Variants in CCNJL observed in about 807,000 individuals in gnomAD.
CCNJL encodes the protein cyclin J like, also known as cyclin-J-like protein.
In CCNJL, 33 loss-of-function variants were observed where a neutral mutation model predicts 33.4. The observed-to-expected ratio is 0.99, with a 90% CI of 0.75 to 1.32. CCNJL has a LOEUF of 1.32. Ranked by LOEUF, CCNJL falls within the 40% of genes most tolerant of loss-of-function variation. The pLI is 0.00. For missense variants in CCNJL, 512 were observed against 499.7 expected, an observed-to-expected ratio of 1.02 and a Z score of -0.23; for synonymous variants, 227 against 220.9, an observed-to-expected ratio of 1.03 and a Z score of -0.24.
At chr5:160,332,518 C>A (rs1303875048) in intron 1 of CCNJL, among the ~76,000 whole-genome samples, 1 of 152,188 alleles carries the variant, frequency 6.6e-6, no homozygotes, top group African/African-American at 2.4e-5. Flanking sequence ...CTGCCTACAC[C>A]TTTGTTAACC....
intron 1 of CCNJL, among the ~76,000 whole-genome samples, chr5:160,336,753 T>C (rs1385900289): frequency 4.6e-5 from 7 of 152,214 alleles, no homozygotes; most frequent in Non-Finnish European, 1.0e-4. Context: ...TTTCCCATCC[T>C]GGTGAAGGGC....
intron 5 of CCNJL, chr5:160,254,724 G>C (rs1351150722): frequency 3.4e-5 from 6 of 177,696 alleles, no homozygotes; most frequent in Non-Finnish European, 5.8e-5. Context: ...AGTAACTATG[G>C]GGCACATTTA....
intron 2 of CCNJL, among the ~76,000 whole-genome samples, chr5:160,282,991 A>G (rs1187793234): frequency 0.01 from 622 of 59,972 alleles, 32 homozygotes; most frequent in African/African-American, 0.042. Context: ...ATATATATAT[A>G]TATATATATA....
chr5:160,288,475 C>T (rs952921914), intron 2 of CCNJL, among the ~76,000 whole-genome samples: 10 of 152,168 alleles, frequency 6.6e-5, no homozygotes, highest in South Asian at 2.1e-4. Context: ...ACTTCATCTT[C>T]CTACAATGCA....
At chr5:160,269,354 C>A (rs953283848) in intron 3 of CCNJL, 1 of 452,906 alleles carries the variant, frequency 2.2e-6, no homozygotes, top group Non-Finnish European at 4.4e-6. Flanking sequence ...GCATCTGGGG[C>A]CTGCATCCCA....
chr5:160,275,019 C>T (rs1386901500), intron 3 of CCNJL, among the ~76,000 whole-genome samples: 3 of 151,890 alleles, frequency 2.0e-5, no homozygotes, highest in Admixed American at 6.5e-5. Context: ...GATTCATTTT[C>T]CCCCCATAAA....
intron 3 of CCNJL, among the ~76,000 whole-genome samples, chr5:160,267,448 T>A (rs1761647165): frequency 6.6e-6 from 1 of 152,140 alleles, no homozygotes; most frequent in Non-Finnish European, 1.5e-5. Flanking sequence ...ACACCACAGA[T>A]CCTGTTCACC....
At chr5:160,321,619 G>GT (rs1403262371) in intron 1 of CCNJL, among the ~76,000 whole-genome samples, 3 of 152,176 alleles carry the variant, frequency 2.0e-5, no homozygotes, top group Non-Finnish European at 2.9e-5. Context: ...CATTCTCCTT[G>GT]TACCACTATT....
rs758945577 is a variant in CCNJL, at chr5:160,253,679, A to G, written c.863T>C (p.Leu288Pro). The change falls in exon 6 of 6, where the codon CTC becomes CCC. Residue 288 changes from leucine to proline, a missense_variant. Leu to Pro is a moderately conservative substitution (Grantham distance 98). Transcript: ENST00000257536. Reference protein sequence around the residue: ...VLFQPPAYPALGQPATTLAQF... With the variant: ...VLFQPPAYPAPGQPATTLAQF... ...TGCCAGGGTGGTCGCTGGCTGGCCG[A>G]GGGCCGGGTAGGCTGGTGGCTGGAA... is the stretch of plus-strand genomic sequence containing the variant. The G allele has an allele frequency of 6.2e-7, 1 of 1,606,378 alleles. No individual in the cohort carries two copies. Among genetic ancestry groups the G allele is most frequent in the East Asian group, 2.2e-5 (1 of 44,662 alleles).
intron 2 of CCNJL, among the ~76,000 whole-genome samples, chr5:160,304,435 G>A (rs561164692): frequency 1.3e-5 from 2 of 152,238 alleles, no homozygotes; most frequent in African/African-American, 4.8e-5. Flanking sequence ...TAGACTGCAG[G>A]AAATTTCTCC....
At chr5:160,325,372 C>T (rs1403580159) in intron 1 of CCNJL, among the ~76,000 whole-genome samples, 2 of 152,154 alleles carry the variant, frequency 1.3e-5, no homozygotes, top group Non-Finnish European at 2.9e-5. Flanking sequence ...TTCCTGCTTG[C>T]CCAATCTTAT....
intron 2 of CCNJL, among the ~76,000 whole-genome samples, chr5:160,305,341 G>A (rs1013089290): frequency 2.0e-5 from 3 of 152,188 alleles, no homozygotes; most frequent in African/African-American, 4.8e-5. Flanking sequence ...GGCAAGCGGG[G>A]GGGCCCTGAG....
chr5:160,266,795 AC>A (rs1761614633), intron 3 of CCNJL, among the ~76,000 whole-genome samples: 1 of 152,228 alleles, frequency 6.6e-6, no homozygotes, highest in Non-Finnish European at 1.5e-5. Context: ...AAAAGGCCCA[AC>A]AAAAGGCTCC....
At chr5:160,299,803 T>A (rs547062565) in intron 2 of CCNJL, among the ~76,000 whole-genome samples, 1 of 151,868 alleles carries the variant, frequency 6.6e-6, no homozygotes, top group African/African-American at 2.4e-5. Flanking sequence ...AATGGTTCAC[T>A]CCAAAGAGTC....
intron 3 of CCNJL, among the ~76,000 whole-genome samples, chr5:160,270,864 T>C (rs1761809185): frequency 6.6e-6 from 1 of 152,160 alleles, no homozygotes; most frequent in African/African-American, 2.4e-5. Context: ...CCAGAGAACA[T>C]TCCAGAACGT....
At chr5:160,284,771 T>C (rs976238480) in intron 2 of CCNJL, among the ~76,000 whole-genome samples, 3 of 152,252 alleles carry the variant, frequency 2.0e-5, no homozygotes, top group Admixed American at 6.5e-5. Context: ...CTTATGTTTA[T>C]ATATGAAGAA....
intron 3 of CCNJL, among the ~76,000 whole-genome samples, chr5:160,271,278 G>A (rs1761824330): frequency 6.6e-6 from 1 of 152,152 alleles, no homozygotes; most frequent in Admixed American, 6.5e-5. Context: ...GTGGGCTGCT[G>A]CGATCAGGGG....
At chr5:160,304,718 G>C (rs1478937806) in intron 2 of CCNJL, among the ~76,000 whole-genome samples, 1 of 152,104 alleles carries the variant, frequency 6.6e-6, no homozygotes, top group Non-Finnish European at 1.5e-5. Flanking sequence ...GAGGGATGCA[G>C]AAATCCAAAA....
chr5:160,306,623 C>T (rs1254456097), intron 2 of CCNJL, among the ~76,000 whole-genome samples: 1 of 152,204 alleles, frequency 6.6e-6, no homozygotes, highest in Non-Finnish European at 1.5e-5. Flanking sequence ...CTTCTACACA[C>T]TCATGAAGCC....
Sources: gnomAD v4.1 joint callset for allele counts (sites outside exome capture counted in the v4.1 genomes callset) on GRCh38, gnomAD v4.1.1 for gene constraint, MANE v1.5 for transcripts, NCBI Gene and HGNC (gene_info 2026-07-23, HGNC 2026-07-21) for gene names.